The following CCSER1 variants were observed in gnomAD, a reference collection of about 807,000 sequenced individuals.
CCSER1 encodes the protein coiled-coil serine rich protein 1.
A neutral mutation model predicts 82.0 loss-of-function variants in CCSER1; 41 were observed. The observed-to-expected ratio is 0.50, with a 90% confidence interval of 0.39 to 0.65. The LOEUF (loss-of-function observed/expected upper bound fraction) is 0.65, where lower values mean the gene tolerates loss of function less well. Among genes scored for constraint, CCSER1 ranks in the 30% least tolerant of loss-of-function variants. The pLI is 0.00. For synonymous variants in CCSER1, 414 were observed against 383.9 expected, an observed-to-expected ratio of 1.08 and a Z score of -0.92; for missense variants, 1,119 against 1,064.2, an observed-to-expected ratio of 1.05 and a Z score of -0.72.
In CCSER1 at chr4:91,165,781, T is replaced by C. The variant is rs1057400165; in HGVS notation, c.2217+79787T>C. Among the ~76,000 whole-genome samples, 16 of 152,348 alleles carry C rather than the reference T, an allele frequency of 1.1e-4. No individual in the cohort carries two copies. In the East Asian group the frequency reaches 2.7e-3, roughly 26 times the overall value. On this transcript the variant is annotated intron_variant, in intron 10 of 10. Transcript: ENST00000509176. ...CCTGGTATGTCATTTGCTAAGACCA[T>C]TGGAAGAGTGCATTATTTGTGCAGG...
chr4:91,028,125 T>C (rs1341307035), intron 9 of CCSER1, among the ~76,000 whole-genome samples: 1 of 152,044 alleles, frequency 6.6e-6, no homozygotes, highest in African/African-American at 2.4e-5. Context: ...ACTTCTGTAC[T>C]TGTATATCCA....
intron 10 of CCSER1, among the ~76,000 whole-genome samples, chr4:91,158,892 C>T (rs1290324125): frequency 6.6e-6 from 1 of 151,910 alleles, no homozygotes; most frequent in Non-Finnish European, 1.5e-5. Flanking sequence ...GAAGCGAATC[C>T]ATATTGGCTT....
At chr4:90,173,943 A>G (rs1732208216) in intron 1 of CCSER1, among the ~76,000 whole-genome samples, 1 of 151,910 alleles carries the variant, frequency 6.6e-6, no homozygotes, top group Non-Finnish European at 1.5e-5. Context: ...TTGTACCTGT[A>G]CCATTTCAGT....
chr4:90,467,486 C>G (rs1280633253), intron 4 of CCSER1, among the ~76,000 whole-genome samples: 2 of 152,000 alleles, frequency 1.3e-5, no homozygotes, highest in African/African-American at 4.8e-5. Flanking sequence ...GAGTTCAAGA[C>G]CAGCCTGGCC....
At chr4:91,496,387 G>T (rs1461795775) in intron 10 of CCSER1, among the ~76,000 whole-genome samples, 1 of 150,004 alleles carries the variant, frequency 6.7e-6, no homozygotes, top group African/African-American at 2.4e-5. Context: ...TATTATAACA[G>T]TTACTAAACA....
intron 10 of CCSER1, among the ~76,000 whole-genome samples, chr4:91,352,252 G>T (rs112718412): frequency 5.9e-5 from 9 of 152,152 alleles, no homozygotes; most frequent in South Asian, 2.1e-4. Flanking sequence ...TTTTATTTTA[G>T]TTTAGTTTAG....
chr4:91,323,480 A>C (rs1187885545), intron 10 of CCSER1, among the ~76,000 whole-genome samples: 1 of 152,166 alleles, frequency 6.6e-6, no homozygotes, highest in South Asian at 2.1e-4. Flanking sequence ...AAGTAAATTG[A>C]ACTTTTGCTT....
chr4:90,169,648 C>G (rs1378622160), intron 1 of CCSER1, among the ~76,000 whole-genome samples: 3 of 152,018 alleles, frequency 2.0e-5, no homozygotes, highest in Non-Finnish European at 4.4e-5. Flanking sequence ...CATCATGTTA[C>G]TGAAATGCAT....
chr4:90,184,023 A>C (rs988263164), intron 1 of CCSER1, among the ~76,000 whole-genome samples: 2 of 152,142 alleles, frequency 1.3e-5, no homozygotes, highest in African/African-American at 2.4e-5. Flanking sequence ...CAAAATGGAA[A>C]TATCTCCCCA....
In CCSER1 at chr4:91,296,449, T is replaced by TTATATATATATATATA. The variant is rs72475346; in HGVS notation, c.2217+210457_2217+210472dup. 4.5e-4 allele frequency among the ~76,000 whole-genome samples: 42 copies of TTATATATATATATATA among 94,048 alleles called. 2 individuals carry two copies. The highest frequency in any genetic ancestry group is 2.0e-3 in the African/African-American group (36 of 17,968). 61.7% of individuals were successfully genotyped at this position (94,048 alleles called of 152,430 possible). On this transcript the variant is annotated intron_variant, in intron 10 of 10. Coordinates refer to ENST00000509176, the MANE Select transcript of CCSER1 (RefSeq NM_001145065.2). ...CTGGTGTAAACAGAAGTGTCTAACA[T>TTATATATATATATATA]TATATATATATATATATGTATATAT...
chr4:90,202,049 A>T (rs1013693349), intron 1 of CCSER1, among the ~76,000 whole-genome samples: 1 of 152,194 alleles, frequency 6.6e-6, no homozygotes, highest in Non-Finnish European at 1.5e-5. Context: ...ATTTCCAAAG[A>T]GGTATTAATT....
intron 5 of CCSER1, among the ~76,000 whole-genome samples, chr4:90,605,117 G>T (rs1784513357): frequency 6.6e-6 from 1 of 152,174 alleles, no homozygotes; most frequent in East Asian, 1.9e-4. Flanking sequence ...ATGGTCTGCA[G>T]CTTCTCTCTT....
chr4:91,591,537 G>C (rs542247278), intron 10 of CCSER1, among the ~76,000 whole-genome samples: 1 of 152,206 alleles, frequency 6.6e-6, no homozygotes, highest in African/African-American at 2.4e-5. Context: ...AACTAGACCA[G>C]TGTCAAATGG....
intron 6 of CCSER1, among the ~76,000 whole-genome samples, chr4:90,644,628 C>T (rs1727161533): frequency 6.6e-6 from 1 of 151,806 alleles, no homozygotes; most frequent in Non-Finnish European, 1.5e-5. Context: ...CCCTCCCCAA[C>T]CCCCAACAGG....
At chr4:91,594,115 A>G (rs1411585604) in intron 10 of CCSER1, among the ~76,000 whole-genome samples, 1 of 151,662 alleles carries the variant, frequency 6.6e-6, no homozygotes, top group Non-Finnish European at 1.5e-5. Flanking sequence ...ACATAATTAC[A>G]TGAGTTTCAG....
chr4:90,816,169 C>G (rs759098753), intron 8 of CCSER1, among the ~76,000 whole-genome samples: 1 of 152,134 alleles, frequency 6.6e-6, no homozygotes, highest in African/African-American at 2.4e-5. Flanking sequence ...TGATTTAACT[C>G]CATAAAGCTA....
chr4:91,407,928 A>C (rs1353137797), intron 10 of CCSER1, among the ~76,000 whole-genome samples: 1 of 152,122 alleles, frequency 6.6e-6, no homozygotes, highest in African/African-American at 2.4e-5. Flanking sequence ...AGGGTTGGGA[A>C]ATTTACCCAC....
In CCSER1 at chr4:91,045,419, T is replaced by A. The variant is rs574428530; in HGVS notation, c.2173-40531T>A. On this transcript the variant is annotated intron_variant, in intron 9 of 10. Coordinates refer to ENST00000509176, the MANE Select transcript of CCSER1 (RefSeq NM_001145065.2). ...TGTAGATTTTATGCATTTTCACAAT[T>A]AGGTTTCTGTTTTTACAATAGAGAT... Among the ~76,000 whole-genome samples the A allele has an allele frequency of 2.0e-5, 3 of 152,310 alleles. No individual in the cohort carries two copies. In the East Asian group the frequency reaches 5.8e-4, roughly 29 times the overall value.
At chr4:91,184,725 C>A (rs1370203390) in intron 10 of CCSER1, among the ~76,000 whole-genome samples, 1 of 152,190 alleles carries the variant, frequency 6.6e-6, no homozygotes, top group African/African-American at 2.4e-5. Flanking sequence ...ATTTCCTAAT[C>A]TTTGGCAGGA....
Sources: allele counts gnomAD v4.1 joint callset (sites outside exome capture counted in the v4.1 genomes callset), GRCh38; gene constraint gnomAD v4.1.1; transcripts MANE v1.5; gene names NCBI Gene and HGNC (gene_info 2026-07-23, HGNC 2026-07-21).